TTLL8: variants seen among roughly 807,000 people sequenced by gnomAD.
TTLL8 encodes the protein protein monoglycylase TTLL8.
In TTLL8, 65 loss-of-function variants were observed where a neutral mutation model predicts 77.8. The ratio of observed to expected loss-of-function variants is 0.84; its 90% CI spans 0.68 to 1.03. The LOEUF is 1.03. Among genes scored for constraint, TTLL8 ranks in the 50% least tolerant of loss-of-function variants. TTLL8 has a pLI of 0.00. For missense variants in TTLL8, 910 were observed against 1,004.5 expected, an observed-to-expected ratio of 0.91 and a Z score of 1.27; for synonymous variants, 402 against 422.8, an observed-to-expected ratio of 0.95 and a Z score of 0.60.
chr22:50,034,235 T>A lies in TTLL8; in HGVS notation c.1039+110A>T. ...ACGCCTGCCTCGGCGTTCTGCTCCC[T>A]CCCTTCCTTCCCTGTGGTGCTGTGG... On this transcript the variant is annotated intron_variant, in intron 9 of 13. Transcript: ENST00000266182. The surrounding 1 kb of genome is among the most constrained non-coding windows in gnomAD (Gnocchi z 4.1). 8.3e-7 allele frequency: 1 copy of A among 1,208,228 alleles called. No homozygotes were observed. The highest frequency in any genetic ancestry group is 1.1e-6 in the Non-Finnish European group (1 of 944,826). 74.8% of individuals were successfully genotyped at this position (1,208,228 alleles called of 1,614,324 possible).
At chr22:50,051,846 A>G (rs1436497396) in intron 1 of TTLL8, among the ~76,000 whole-genome samples, 1 of 152,190 alleles carries the variant, frequency 6.6e-6, no homozygotes, top group Non-Finnish European at 1.5e-5. Flanking sequence ...AAGTCAAGGA[A>G]TTGAAAAATA....
rs2061318059 is a variant in TTLL8 at position 50,034,075 on chromosome 22, G to A, written c.1039+270C>T. ...AATAATAAAAATAAAAAACTAAAAAGGAAAGCATAGACCAGTTTGTGAATA... is the reference window on the plus strand; with the variant it reads ...AATAATAAAAATAAAAAACTAAAAAAGAAAGCATAGACCAGTTTGTGAATA... On this transcript the variant is annotated intron_variant, in intron 9 of 13. Transcript: ENST00000266182. This position sits in a 1 kb window ranked among gnomAD's most constrained non-coding sequence, Gnocchi z 4.1. Among the ~76,000 whole-genome samples, 1 of 152,152 alleles carries A rather than the reference G, an allele frequency of 6.6e-6. No homozygotes were observed. Among genetic ancestry groups the A allele is most frequent in the Non-Finnish European group, 1.5e-5 (1 of 68,014 alleles).
At chr22:50,048,897 G>A (rs1000853313) in intron 3 of TTLL8, among the ~76,000 whole-genome samples, 1 of 152,196 alleles carries the variant, frequency 6.6e-6, no homozygotes, top group Non-Finnish European at 1.5e-5. Context: ...GAGCTCACTC[G>A]CTGGCCAGGC....
intron 6 of TTLL8, among the ~76,000 whole-genome samples, chr22:50,043,264 G>C (rs1050665517): frequency 2.7e-5 from 4 of 150,014 alleles, no homozygotes; most frequent in Admixed American, 1.4e-4. Context: ...GTGGTGCCGA[G>C]ACGTCCTTCG....
At chr22:50,037,424 C>T (rs1226307776) in intron 8 of TTLL8, among the ~76,000 whole-genome samples, 2 of 152,186 alleles carry the variant, frequency 1.3e-5, no homozygotes, top group Non-Finnish European at 2.9e-5. Flanking sequence ...CCAGGCTGGT[C>T]TGGAACTCCT....
In TTLL8 at chr22:50,044,387, G is replaced by A. The variant is rs1481795588; in HGVS notation, c.643+868C>T. 6.6e-6 allele frequency among the ~76,000 whole-genome samples: 1 copy of A among 151,916 alleles called. No homozygotes were observed. The highest frequency in any genetic ancestry group is 1.5e-5 in the Non-Finnish European group (1 of 68,008). On this transcript the variant is annotated intron_variant, in intron 6 of 13. Transcript: ENST00000266182. The surrounding 1 kb of genome is among the most constrained non-coding windows in gnomAD (Gnocchi z 4.2). Reference sequence around the variant, plus strand: ...CCAAGTGACCTGGTCTCCGACCAATGCAAACTACAACCTAACTCAGAATTG... The same window carrying A: ...CCAAGTGACCTGGTCTCCGACCAATACAAACTACAACCTAACTCAGAATTG...
intron 11 of TTLL8, 108 bp from the exon 13 acceptor site, chr22:50,031,033 G>T: frequency 9.6e-7 from 1 of 1,039,624 alleles, no homozygotes; most frequent in Non-Finnish European, 1.3e-6. Context: ...ACCCCCACCT[G>T]ACTCAGGAGT....
At chr22:50,045,261 T>C (rs779843163) in exon 6 of TTLL8, 16 of 1,355,332 alleles carry the variant, frequency 1.2e-5, no homozygotes, top group Non-Finnish European at 1.6e-5. Flanking sequence ...GCACCTTGCC[T>C]GCTGCTCAGG....
intron 12 of TTLL8, among the ~76,000 whole-genome samples, chr22:50,021,690 CATGCACTCCTCCATCTGAT>C (rs2061201633): frequency 8.0e-6 from 1 of 125,592 alleles, no homozygotes; most frequent in African/African-American, 3.1e-5. Context: ...CTCCATCTGA[CATGCACTCCTCCATCTGAT>C]GATGTGCACT....
At chr22:50,022,636 G>A (rs774786758) in intron 12 of TTLL8, among the ~76,000 whole-genome samples, 31 of 152,212 alleles carry the variant, frequency 2.0e-4, no homozygotes, top group Admixed American at 1.0e-3. Context: ...ATCTGACGAC[G>A]TGCACTCCTC....
In TTLL8 at chr22:50,041,228, C is replaced by A. The variant is rs1418109234; in HGVS notation, c.880G>T (p.Val294Phe). The A allele has an allele frequency of 2.1e-6, 1 of 481,900 alleles. No individual in the cohort carries two copies. Among genetic ancestry groups the A allele is most frequent in the Non-Finnish European group, 4.1e-6 (1 of 241,934 alleles). 29.9% of individuals were successfully genotyped at this position (481,900 alleles called of 1,614,324 possible). Reference sequence around the variant, plus strand: ...GTGGGGGGCTCAAATGACATCATAACCTTCTGGATTTTGAAGATGCACAAG... The same window carrying A: ...GTGGGGGGCTCAAATGACATCATAAACTTCTGGATTTTGAAGATGCACAAG... Residue 294 changes from valine (V) to phenylalanine (F), a missense_variant, in exon 8 of 14, where the codon GTT becomes TTT. Coordinates refer to ENST00000266182, the Ensembl canonical transcript of TTLL8. This position sits in a 1 kb window ranked among gnomAD's most constrained non-coding sequence, Gnocchi z 4.3.
intron 5 of TTLL8, 54 bp downstream of exon 7, chr22:50,045,802 T>C (rs2061406697): frequency 7.8e-7 from 1 of 1,289,706 alleles, no homozygotes. Flanking sequence ...GGGGGATCTT[T>C]CTAGAAGCCT....
At chr22:50,031,556 G>A (rs1352868418) in intron 11 of TTLL8, 130 bp downstream of exon 12, 2 of 1,186,252 alleles carry the variant, frequency 1.7e-6, no homozygotes, top group Non-Finnish European at 2.1e-6. Context: ...TGGTCACAGA[G>A]CAGGATCGGT....
chr22:50,047,736 G>T lies in TTLL8; in HGVS notation c.265-440C>A, dbSNP rs889293855. On this transcript the variant is annotated intron_variant, in intron 3 of 13. Coordinates refer to ENST00000266182, the Ensembl canonical transcript of TTLL8. The stretch of plus-strand genomic sequence containing the variant: ...CCGCTCCTCCCCTGCTGATAGAGGG[G>T]TTGGTCGTGGAGCTGGGGGCCTGTT... Among the ~76,000 whole-genome samples, 14 of 152,334 alleles carry T rather than the reference G, an allele frequency of 9.2e-5. No homozygotes were observed. The East Asian group carries it at 1.3e-3, about 15-fold the overall frequency.
At position 50,045,522 on chromosome 22, in the gene TTLL8, C is replaced by T. The variant is rs560505661; in HGVS notation, c.509-133G>A. Reference sequence around the variant, plus strand: ...TAGCCGATGGGGCCCAGGCCTGCTCCCACACCCCCAGTCTGCCTGCCCTTC... The same window carrying T: ...TAGCCGATGGGGCCCAGGCCTGCTCTCACACCCCCAGTCTGCCTGCCCTTC... On this transcript the variant is annotated intron_variant, in intron 5 of 13. Coordinates refer to ENST00000266182, the Ensembl canonical transcript of TTLL8. 123 of 763,466 alleles carry T rather than the reference C, an allele frequency of 1.6e-4. 1 individual carries two copies. The South Asian group carries it at 1.9e-3, about 12-fold the overall frequency. 47.3% of individuals were successfully genotyped at this position (763,466 alleles called of 1,614,324 possible). A position where few individuals can be genotyped will look rare whatever the true frequency, so the allele number is the denominator to read the frequency against.
In TTLL8 at chr22:50,034,395, A is replaced by T. The variant is rs747694307; in HGVS notation, c.989T>A (p.Ile330Asn). The T allele has an allele frequency of 3.1e-5, 42 of 1,367,048 alleles. 1 individual carries two copies. The South Asian group carries it at 4.3e-4, about 14-fold the overall frequency. The allele number at this position is 1,367,048 out of a possible 1,614,324, so 84.7% of individuals were successfully genotyped here. ...CTTGGCCGCGGGCTTTATAATCCAG[A>T]TGTTCCGGAGCCCGTCAATGTCCGT... is the stretch of plus-strand genomic sequence containing the variant. Residue 330 changes from isoleucine (I) to asparagine (N), a missense_variant, in exon 9 of 14, where the codon ATC becomes AAC. Physicochemically the swap from Ile to Asn is moderately radical, Grantham distance 149. This residue lies in a region of TTLL8 where 776 missense variants were observed against 926.1 expected (regional missense o/e 0.84). Transcript: ENST00000266182. This position sits in a 1 kb window ranked among gnomAD's most constrained non-coding sequence, Gnocchi z 4.1.
upstream of TTLL8, among the ~76,000 whole-genome samples, chr22:50,056,236 A>T (rs2061470073): frequency 6.6e-6 from 1 of 152,222 alleles, no homozygotes; most frequent in African/African-American, 2.4e-5. This position sits in a 1 kb window ranked among gnomAD's most constrained non-coding sequence, Gnocchi z 4.1. Flanking sequence ...AGCGCGATTT[A>T]ACCGCGGCCT....
Position 50,027,533 on chromosome 22 carries a change from C to CAA in TTLL8, c.2203+2895_2203+2896dup, listed in dbSNP as rs137889. 5,285 of 614,986 alleles carry CAA rather than the reference C, an allele frequency of 8.6e-3. 6 individuals are homozygous for CAA. Among genetic ancestry groups the CAA allele is most frequent in the East Asian group, 0.026 (145 of 5,512 alleles). 38.1% of individuals were successfully genotyped at this position (614,986 alleles called of 1,614,324 possible). A position where few individuals can be genotyped will look rare whatever the true frequency, so the allele number is the denominator to read the frequency against. ...TGGGCAACAGAATGAGACTCCGTCT[C>CAA]AAAAAAAAAAAAAAAAAAGGATGTC... On this transcript the variant is annotated intron_variant, in intron 12 of 13. Coordinates refer to ENST00000266182, the Ensembl canonical transcript of TTLL8.
At chr22:50,020,272 G>C (rs2061186727) in intron 12 of TTLL8, among the ~76,000 whole-genome samples, 1 of 147,902 alleles carries the variant, frequency 6.8e-6, no homozygotes, top group South Asian at 2.1e-4. Context: ...CATCTGACGT[G>C]CACTCCTCCA....
Sources: allele counts gnomAD v4.1 joint callset (sites outside exome capture counted in the v4.1 genomes callset), GRCh38; gene constraint gnomAD v4.1.1; regional missense constraint gnomAD v4.1.1; non-coding constraint Gnocchi (gnomAD v3.1); transcripts MANE v1.5; gene names NCBI Gene and HGNC (gene_info 2026-07-23, HGNC 2026-07-21).